FLNB: variants seen among roughly 807,000 people sequenced by gnomAD.
FLNB encodes filamin B.
FLNB carries 111 observed loss-of-function variants against 250.6 expected under a neutral mutation model. The ratio of observed to expected loss-of-function variants is 0.44; its 90% confidence interval spans 0.38 to 0.52. The LOEUF (loss-of-function observed/expected upper bound fraction) is 0.52. Among genes scored for constraint, FLNB ranks in the 20% least tolerant of loss-of-function variants. The pLI is 0.00. For missense variants in FLNB, 2,869 were observed against 3,447.8 expected, an observed-to-expected ratio of 0.83 and a Z score of 4.20; for synonymous variants, 1,302 against 1,372.1, an observed-to-expected ratio of 0.95 and a Z score of 1.13.
intron 29 of FLNB, among the ~76,000 whole-genome samples, chr3:58,140,431 G>A (rs192951218): frequency 5.3e-5 from 8 of 152,286 alleles, no homozygotes; most frequent in South Asian, 4.1e-4. Flanking sequence ...TCCAAATGTC[G>A]CTCACAGAGC....
chr3:58,155,029 C>A, intron 40 of FLNB, 101 bp downstream of exon 40: 1 of 1,204,608 alleles, frequency 8.3e-7, no homozygotes, highest in Non-Finnish European at 1.2e-6. Context: ...AATGAGGAAT[C>A]TATGTGTATG....
intron 1 of FLNB, among the ~76,000 whole-genome samples, chr3:58,051,695 T>A (rs1412460323): frequency 6.6e-6 from 1 of 151,410 alleles, no homozygotes; most frequent in Non-Finnish European, 1.5e-5. Flanking sequence ...GTTTTTTTTT[T>A]AAGCTTTTTG....
Position 58,134,703 on chromosome 3 carries a change from C to T in FLNB, c.4602C>T (p.Ala1534=), listed in dbSNP as rs769024679. The part of the protein sequence containing the change: ...GPGLSSYGVP[A]SLPVDFAIDA... Reference sequence around the variant, plus strand: ...GCCTTAGTTCCTATGGTGTGCCTGCCAGTCTACCTGTGGACTTTGCAATTG... The same window carrying T: ...GCCTTAGTTCCTATGGTGTGCCTGCTAGTCTACCTGTGGACTTTGCAATTG... Residue 1534 remains alanine (A), a synonymous_variant, in exon 27 of 46, where the codon GCC becomes GCT. Coordinates refer to ENST00000295956, the MANE Select transcript of FLNB (RefSeq NM_001457.4). The T allele has an allele frequency of 1.9e-6, 3 of 1,614,168 alleles. No individual in the cohort carries two copies. Among genetic ancestry groups the T allele is most frequent in the Non-Finnish European group, 2.5e-6 (3 of 1,179,994 alleles).
chr3:58,154,591 T>C, intron 39 of FLNB, 200 bp from the exon 40 acceptor site: 1 of 570,160 alleles, frequency 1.8e-6, no homozygotes. Context: ...CCAGATGTCC[T>C]GTGAATTTAG....
intron 26 of FLNB, 101 bp from the exon 27 acceptor site, chr3:58,134,515 A>G: frequency 7.3e-7 from 1 of 1,376,926 alleles, no homozygotes; most frequent in Non-Finnish European, 1.0e-6. Flanking sequence ...TGCTGTAGAA[A>G]TCCCCTTTTC....
rs762699176 is a variant in FLNB at position 58,169,661 on chromosome 3, T to C, written c.7489T>C (p.Ser2497Pro). The change falls in exon 45 of 46, where the codon TCT becomes CCT. Residue 2497 changes from serine to proline, a missense_variant. This residue lies in a region of FLNB where 1,084 missense variants were observed against 1,315.5 expected (regional missense o/e 0.82). Coordinates refer to ENST00000295956, the MANE Select transcript of FLNB (RefSeq NM_001457.4). This position sits in a 1 kb window ranked among gnomAD's most constrained non-coding sequence, Gnocchi z 4.8. The part of the protein sequence containing the change: ...SILVESVTRS[S>P]TETCYSAIPK... ...CCTGGTGGAGTCAGTGACCAGGTCG[T>C]CTACAGAGACCTGCTATAGCGCCAT... 6.2e-7 allele frequency: 1 copy of C among 1,613,948 alleles called. No individual in the cohort carries two copies. The highest frequency in any genetic ancestry group is 8.5e-7 in the Non-Finnish European group (1 of 1,179,872).
Position 58,142,039 on chromosome 3 carries a change from A to G in FLNB, c.5181+110A>G, listed in dbSNP as rs1330168273. 1.1e-6 allele frequency: 1 copy of G among 880,790 alleles called. No homozygotes were observed. The highest frequency in any genetic ancestry group is 1.9e-6 in the Non-Finnish European group (1 of 522,898). The allele number at this position is 880,790 out of a possible 1,614,324, so 54.6% of individuals were successfully genotyped here. On this transcript the variant is annotated intron_variant, in intron 30 of 45. Coordinates refer to ENST00000295956, the MANE Select transcript of FLNB (RefSeq NM_001457.4). This position sits in a 1 kb window ranked among gnomAD's most constrained non-coding sequence, Gnocchi z 4.3. ...CTTAAGCCCTGTGGGTGTCCTGGTC[A>G]TTGGTGTGCCCCTCACTGATCAGCC...
chr3:58,058,352 C>T (rs999299423), intron 1 of FLNB, among the ~76,000 whole-genome samples: 2 of 152,160 alleles, frequency 1.3e-5, no homozygotes, highest in African/African-American at 4.8e-5. Context: ...GGACGACTCC[C>T]TCTCTTTCTA....
intron 1 of FLNB, among the ~76,000 whole-genome samples, chr3:58,041,231 G>A (rs181588910): frequency 3.3e-5 from 5 of 152,280 alleles, no homozygotes; most frequent in East Asian, 1.9e-4. Context: ...TTTGCTTTCA[G>A]TATCACTTTA....
intron 22 of FLNB, 113 bp downstream of exon 22, chr3:58,124,618 C>A (rs1017856089): frequency 4.3e-5 from 49 of 1,133,678 alleles, no homozygotes; most frequent in Non-Finnish European, 6.1e-5. Context: ...TCAGCAGGGC[C>A]ACGTGCAGAG....
chr3:58,031,951 C>T (rs1288250761), intron 1 of FLNB, among the ~76,000 whole-genome samples: 4 of 151,718 alleles, frequency 2.6e-5, no homozygotes, highest in African/African-American at 9.7e-5. Flanking sequence ...TTGTTTGAGA[C>T]AGGGTCTTGC....
At chr3:58,117,182 A>C (rs2097279672) in intron 18 of FLNB, among the ~76,000 whole-genome samples, 1 of 152,200 alleles carries the variant, frequency 6.6e-6, no homozygotes, top group Admixed American at 6.5e-5. Context: ...CCCTCACTTC[A>C]TAGCCCTGTT....
intron 12 of FLNB, among the ~76,000 whole-genome samples, chr3:58,107,220 G>A (rs2097261136): frequency 6.6e-6 from 1 of 152,092 alleles, no homozygotes; most frequent in Non-Finnish European, 1.5e-5. Flanking sequence ...TAGTAGAGAT[G>A]GGGTTTCACC....
intron 38 of FLNB, chr3:58,150,889 C>T (rs2097343683): frequency 6.5e-6 from 1 of 154,714 alleles, no homozygotes; most frequent in African/African-American, 2.4e-5. Context: ...TCTAAATCGT[C>T]TTCAGATGGA....
chr3:58,111,448 C>T (rs111967238), intron 16 of FLNB, among the ~76,000 whole-genome samples: 487 of 152,276 alleles, frequency 3.2e-3, no homozygotes, highest in African/African-American at 0.011. Context: ...CCCTGGAGGA[C>T]ATTTCCTTCC....
intron 24 of FLNB, among the ~76,000 whole-genome samples, chr3:58,129,235 A>G (rs544521010): frequency 6.6e-6 from 1 of 152,176 alleles, no homozygotes; most frequent in Admixed American, 6.5e-5. Context: ...GGCTCCCTAG[A>G]CCACTGGATT....
In FLNB at chr3:58,102,227, C is replaced by A. The variant is rs772627315; in HGVS notation, c.1370C>A (p.Ala457Asp). 2 of 1,614,196 alleles carry A rather than the reference C, an allele frequency of 1.2e-6. No individual in the cohort carries two copies. The highest frequency in any genetic ancestry group is 2.2e-5 in the South Asian group (2 of 91,084). ...GEACNPNACR[A>D]SGRGLQPKGV... is the part of the protein sequence containing the mutation. Reference sequence around the variant, plus strand: ...GCCTGCAATCCAAATGCCTGCCGGGCCAGTGGCCGAGGCCTACAACCCAAA... The same window carrying A: ...GCCTGCAATCCAAATGCCTGCCGGGACAGTGGCCGAGGCCTACAACCCAAA... Residue 457 changes from alanine to aspartate, a missense_variant, in exon 9 of 46, where the codon GCC (alanine) becomes GAC (aspartate). Physicochemically the swap from Ala to Asp is moderately radical, Grantham distance 126. This residue lies in a region of FLNB where 1,348 missense variants were observed against 1,466.7 expected (regional missense o/e 0.92). Coordinates refer to ENST00000295956, the MANE Select transcript of FLNB (RefSeq NM_001457.4).
At chr3:58,133,553 AGTT>A (rs202192836) in intron 26 of FLNB, among the ~76,000 whole-genome samples, 60,534 of 151,108 alleles carry the variant, frequency 0.4, 14,848 homozygotes, top group East Asian at 0.97. Flanking sequence ...ACCTGCAAGT[AGTT>A]TTCTGATTGG....
At chr3:58,081,317 C>T (rs550102109) in intron 3 of FLNB, among the ~76,000 whole-genome samples, 3 of 152,224 alleles carry the variant, frequency 2.0e-5, no homozygotes, top group Non-Finnish European at 4.4e-5. Context: ...ATAGCTTATC[C>T]TTTTATCATT....
Sources: gnomAD v4.1 joint callset for allele counts (sites outside exome capture counted in the v4.1 genomes callset) on GRCh38, gnomAD v4.1.1 for gene constraint, gnomAD v4.1.1 regional missense constraint, Gnocchi (gnomAD v3.1) non-coding constraint, MANE v1.5 for transcripts, NCBI Gene and HGNC (gene_info 2026-07-23, HGNC 2026-07-21) for gene names.